HK2: variants seen among roughly 807,000 people sequenced by gnomAD.
HK2 encodes the protein hexokinase 2.
Under a neutral mutation model 92.9 loss-of-function variants are expected in HK2, and 42 were observed. That is an observed-to-expected ratio of 0.45 (90% confidence interval 0.35 to 0.58). The LOEUF is 0.58. HK2 is among the 20% of genes least tolerant of loss of function. HK2 has a pLI of 0.00. For synonymous variants in HK2, 422 were observed against 468.0 expected, an observed-to-expected ratio of 0.90 and a Z score of 1.27; for missense variants, 978 against 1,245.1, an observed-to-expected ratio of 0.79 and a Z score of 3.23.
chr2:74,881,661 A>G (rs1689394682), intron 10 of HK2, 50 bp from the exon 11 acceptor site: 29 of 1,601,412 alleles, frequency 1.8e-5, no homozygotes, highest in Non-Finnish European at 2.5e-5. Flanking sequence ...CTGTCTCCAC[A>G]TTCCCCATGT....
chr2:74,834,892 G>A lies in HK2; in HGVS notation c.63+249G>A, dbSNP rs918400040. 1.3e-5 allele frequency among the ~76,000 whole-genome samples: 2 copies of A among 152,216 alleles called. No homozygotes were observed. The highest frequency in any genetic ancestry group is 4.8e-5 in the African/African-American group (2 of 41,466). On this transcript the variant is annotated intron_variant, in intron 1 of 17. Coordinates refer to ENST00000290573, the MANE Select transcript of HK2 (RefSeq NM_000189.5). This position sits in a 1 kb window ranked among gnomAD's most constrained non-coding sequence, Gnocchi z 4.2. ...GCCCTCCCTCCCTGAGCTCCGGCAC[G>A]CGCTCACGCTCTCTCCCCCAGTCCC...
Position 74,836,324 on chromosome 2 carries a change from ACT to A in HK2, c.63+1685_63+1686del, listed in dbSNP as rs1461863458. ...GTTGGAACCCCGTTGGAGTTATACC[ACT>A]CTCAATCTTGGAATGGGGGTCATCT... On this transcript the variant is annotated intron_variant, in intron 1 of 17. Coordinates refer to ENST00000290573, the MANE Select transcript of HK2 (RefSeq NM_000189.5). 2.0e-5 allele frequency among the ~76,000 whole-genome samples: 3 copies of A among 151,950 alleles called. No homozygotes were observed. The South Asian group carries it at 6.2e-4, about 32-fold the overall frequency.
intron 12 of HK2, among the ~76,000 whole-genome samples, chr2:74,884,669 G>T (rs1056076046): frequency 6.6e-6 from 1 of 152,230 alleles, no homozygotes; most frequent in African/African-American, 2.4e-5. Context: ...GAGAAATCAT[G>T]CAAGTGGGTG....
intron 4 of HK2, 150 bp downstream of exon 4, chr2:74,872,569 T>TGG: frequency 1.8e-6 from 1 of 552,834 alleles, no homozygotes; most frequent in Non-Finnish European, 3.2e-6. Context: ...TGTATGTCGA[T>TGG]GGGGGGGCTG....
chr2:74,882,136 T>C lies in HK2; in HGVS notation c.1736T>C (p.Val579Ala). The C allele has an allele frequency of 6.2e-7, 1 of 1,614,194 alleles. No individual in the cohort carries two copies. Among genetic ancestry groups the C allele is most frequent in the East Asian group, 2.2e-5 (1 of 44,868 alleles). ...GTGDELFDHI[V>A]QCIADFLEYM... is the part of the protein sequence containing the mutation. ...TCCCTGCAGCTCTTTGACCACATTG[T>C]CCAGTGCATCGCGGACTTCCTCGAG... The change falls in exon 12 of 18, where the codon GTC becomes GCC. Residue 579 changes from valine (V) to alanine (A), a missense_variant. Physicochemically the swap from Val to Ala is moderately conservative, Grantham distance 64 (BLOSUM62 0). Coordinates refer to ENST00000290573, the MANE Select transcript of HK2 (RefSeq NM_000189.5).
At chr2:74,840,137 T>G (rs1312541625) in intron 1 of HK2, among the ~76,000 whole-genome samples, 4 of 151,532 alleles carry the variant, frequency 2.6e-5, no homozygotes, top group African/African-American at 9.7e-5. Flanking sequence ...TTTATATCTT[T>G]AGTAGAGATG....
In HK2 at chr2:74,888,144, G is replaced by C. The variant is rs1187631523; in HGVS notation, c.2375+86G>C. The C allele has an allele frequency of 3.5e-6, 5 of 1,439,250 alleles. No homozygotes were observed. The East Asian group carries it at 1.1e-4, about 33-fold the overall frequency. The allele number at this position is 1,439,250 out of a possible 1,614,324, so 89.2% of individuals were successfully genotyped here. On this transcript the variant is annotated intron_variant, in intron 16 of 17. Transcript: ENST00000290573. ...AACTGAAGGATTTCCATAACTCAGGGCATGACTCATACAAAAGTCAGTTTA... is the reference window on the plus strand; with the variant it reads ...AACTGAAGGATTTCCATAACTCAGGCCATGACTCATACAAAAGTCAGTTTA...
chr2:74,881,599 A>G (rs1689393488), intron 10 of HK2, 112 bp from the exon 11 acceptor site: 1 of 1,046,526 alleles, frequency 9.6e-7, no homozygotes, highest in African/African-American at 1.6e-5. Flanking sequence ...AATGTAATAT[A>G]AAGTGGCATT....
At chr2:74,881,596 T>C in intron 10 of HK2, 115 bp from the exon 11 acceptor site, 3 of 1,026,142 alleles carry the variant, frequency 2.9e-6, no homozygotes, top group Middle Eastern at 3.0e-4. Context: ...TAGAATGTAA[T>C]ATAAAGTGGC....
intron 2 of HK2, among the ~76,000 whole-genome samples, chr2:74,857,874 G>A (rs574856464): frequency 3.2e-4 from 49 of 152,308 alleles, no homozygotes; most frequent in African/African-American, 1.2e-3. Context: ...TTCCCCCCAT[G>A]TGGTCGCACA....
chr2:74,878,159 TA>T (rs1407242235), intron 8 of HK2, among the ~76,000 whole-genome samples: 4 of 152,154 alleles, frequency 2.6e-5, no homozygotes, highest in Non-Finnish European at 5.9e-5. Context: ...AGACACAAGC[TA>T]AAGCAGTGCC....
intron 1 of HK2, among the ~76,000 whole-genome samples, chr2:74,840,837 C>G (rs1213430877): frequency 1.5e-5 from 2 of 132,822 alleles, no homozygotes; most frequent in African/African-American, 5.8e-5. Flanking sequence ...TGAGATCGCA[C>G]CAATGCACTC....
intron 2 of HK2, among the ~76,000 whole-genome samples, chr2:74,865,037 C>T (rs1248650966): frequency 1.3e-5 from 2 of 151,414 alleles, no homozygotes; most frequent in East Asian, 1.9e-4. Flanking sequence ...GGCATGGGCA[C>T]GTAACCATGC....
rs761981765 is a variant in HK2, at chr2:74,881,835, G to T, written c.1695G>T (p.Glu565Asp). 6.2e-7 allele frequency: 1 copy of T among 1,614,218 alleles called. No individual in the cohort carries two copies. The highest frequency in any genetic ancestry group is 1.1e-5 in the South Asian group (1 of 91,088). ...ACAAGATCTACGCCATCCCGCAGGA[G>T]GTCATGCACGGCACCGGGGACGAGG... The part of the protein sequence containing the change: ...MHNKIYAIPQ[E>D]VMHGTGDELF... The change falls in exon 11 of 18, where the codon GAG becomes GAT. Residue 565 changes from glutamate (E) to aspartate (D), a missense_variant. Physicochemically the swap from Glu to Asp is conservative, Grantham distance 45. This residue lies in a region of HK2 where 742 missense variants were observed against 922.5 expected (regional missense o/e 0.80). Transcript: ENST00000290573.
At chr2:74,873,564 A>G (rs1394279593) in intron 5 of HK2, among the ~76,000 whole-genome samples, 193 bp downstream of exon 5, 2 of 152,184 alleles carry the variant, frequency 1.3e-5, no homozygotes, top group African/African-American at 4.8e-5. Context: ...CAAATGGATA[A>G]ATAATCTTAG....
intron 3 of HK2, among the ~76,000 whole-genome samples, chr2:74,868,564 C>T (rs144666365): frequency 8.5e-5 from 13 of 152,204 alleles, no homozygotes; most frequent in African/African-American, 1.9e-4. Context: ...TAGTACTCTT[C>T]GTGTTTTTTT....
chr2:74,862,799 C>T (rs1459649259), intron 2 of HK2, among the ~76,000 whole-genome samples: 2 of 152,158 alleles, frequency 1.3e-5, no homozygotes, highest in African/African-American at 2.4e-5. Flanking sequence ...TGAATCTTGA[C>T]AAGGTGCGTG....
Position 74,880,487 on chromosome 2 carries a change from G to A in HK2, c.1488G>A (p.Glu496=), listed in dbSNP as rs1160300045. The change falls in exon 10 of 18, where the codon GAG becomes GAA. Residue 496 remains glutamate (E), a synonymous_variant. Coordinates refer to ENST00000290573, the MANE Select transcript of HK2 (RefSeq NM_000189.5). ...AGAGGAGGATGAAGGTAGAAATGGAGCGAGGTCTGAGCAAGGAGACTCATG... is the reference window on the plus strand; with the variant it reads ...AGAGGAGGATGAAGGTAGAAATGGAACGAGGTCTGAGCAAGGAGACTCATG... ...EVKRRMKVEM[E]RGLSKETHAS... The A allele has an allele frequency of 6.2e-7, 1 of 1,614,100 alleles. No individual in the cohort carries two copies.
chr2:74,842,101 G>A (rs930920114), intron 1 of HK2, among the ~76,000 whole-genome samples: 1 of 152,236 alleles, frequency 6.6e-6, no homozygotes, highest in Non-Finnish European at 1.5e-5. Context: ...AAGATTGTTT[G>A]GATAACACTT....
Sources: gnomAD v4.1 joint callset for allele counts (sites outside exome capture counted in the v4.1 genomes callset) on GRCh38, gnomAD v4.1.1 for gene constraint, gnomAD v4.1.1 regional missense constraint, Gnocchi (gnomAD v3.1) non-coding constraint, MANE v1.5 for transcripts, NCBI Gene and HGNC (gene_info 2026-07-23, HGNC 2026-07-21) for gene names.